Variants in GPM6A observed in about 807,000 individuals in gnomAD.
GPM6A encodes the protein glycoprotein M6A.
In GPM6A, 7 loss-of-function variants were observed where a neutral mutation model predicts 32.1. The observed-to-expected ratio is 0.22, with a 90% CI of 0.12 to 0.41. The LOEUF (loss-of-function observed/expected upper bound fraction) is 0.41. Among genes scored for constraint, GPM6A ranks in the 10% least tolerant of loss-of-function variants. The pLI is 1.00. For missense variants in GPM6A, 235 were observed against 347.2 expected, an observed-to-expected ratio of 0.68 and a Z score of 2.57; for synonymous variants, 130 against 123.4, an observed-to-expected ratio of 1.05 and a Z score of -0.35.
chr4:175,945,331 C>T (rs976675610), intron 1 of GPM6A, among the ~76,000 whole-genome samples: 16 of 152,046 alleles, frequency 1.1e-4, no homozygotes, highest in Non-Finnish European at 2.1e-4. Context: ...TTAGTACAAA[C>T]AAATATTTAA....
chr4:175,657,788 T>C (rs961896667), intron 3 of GPM6A, among the ~76,000 whole-genome samples: 1 of 152,030 alleles, frequency 6.6e-6, no homozygotes, highest in Non-Finnish European at 1.5e-5. Context: ...CAGATGTCGG[T>C]TGTGCAATCA....
At chr4:175,793,815 C>A (rs753120911) in intron 1 of GPM6A, among the ~76,000 whole-genome samples, 14 of 152,128 alleles carry the variant, frequency 9.2e-5, no homozygotes, top group Non-Finnish European at 1.5e-4. Flanking sequence ...TGGTAAGCTG[C>A]CAAAATTCTT....
At chr4:175,695,487 G>A (rs1430709920) in intron 2 of GPM6A, among the ~76,000 whole-genome samples, 9 of 152,174 alleles carry the variant, frequency 5.9e-5, no homozygotes, top group Non-Finnish European at 8.8e-5. Context: ...AAATTATTAT[G>A]GAGCTTTAAT....
intron 1 of GPM6A, among the ~76,000 whole-genome samples, chr4:175,769,784 T>C (rs1035151482): frequency 6.6e-6 from 1 of 152,216 alleles, no homozygotes; most frequent in Admixed American, 6.5e-5. Context: ...TATATATTTC[T>C]TAGCTTTTGT....
intron 1 of GPM6A, among the ~76,000 whole-genome samples, chr4:175,867,298 T>G (rs573828464): frequency 6.6e-6 from 1 of 152,312 alleles, no homozygotes; most frequent in South Asian, 2.1e-4. Context: ...AAATTGCGCC[T>G]TCAATGTTGA....
chr4:175,738,657 A>T (rs185959793), intron 1 of GPM6A, among the ~76,000 whole-genome samples: 1 of 152,292 alleles, frequency 6.6e-6, no homozygotes, highest in Non-Finnish European at 1.5e-5. Context: ...GATGAAAAAA[A>T]ATTTTTATAG....
intron 1 of GPM6A, among the ~76,000 whole-genome samples, chr4:175,702,720 T>C (rs1365900778): frequency 6.6e-6 from 1 of 152,206 alleles, no homozygotes; most frequent in Non-Finnish European, 1.5e-5. Flanking sequence ...TTTCACCATA[T>C]TGGTCAGGCT....
chr4:175,845,891 C>T (rs1736071720), intron 1 of GPM6A, among the ~76,000 whole-genome samples: 2 of 152,052 alleles, frequency 1.3e-5, no homozygotes, highest in African/African-American at 4.8e-5. Flanking sequence ...ATATATGAAT[C>T]TGCCTCCAAG....
intron 1 of GPM6A, among the ~76,000 whole-genome samples, chr4:175,984,324 G>A (rs1246473210): frequency 3.9e-5 from 6 of 151,934 alleles, no homozygotes; most frequent in East Asian, 1.9e-4. Flanking sequence ...CACCACGCCC[G>A]GCTAATTTTT....
intron 1 of GPM6A, among the ~76,000 whole-genome samples, chr4:175,832,885 A>C (rs1160967386): frequency 6.6e-6 from 1 of 152,292 alleles, no homozygotes; most frequent in African/African-American, 2.4e-5. Context: ...GGATCACAAG[A>C]ATGCCGGTTC....
At chr4:175,822,862 G>C (rs960077038) in intron 1 of GPM6A, among the ~76,000 whole-genome samples, 1 of 152,038 alleles carries the variant, frequency 6.6e-6, no homozygotes, top group African/African-American at 2.4e-5. Flanking sequence ...GGTGTGTGAT[G>C]TTCCCCTCCC....
At chr4:175,714,606 T>C (rs909447921) in intron 1 of GPM6A, among the ~76,000 whole-genome samples, 1 of 152,150 alleles carries the variant, frequency 6.6e-6, no homozygotes, top group Non-Finnish European at 1.5e-5. Context: ...ATGAAAGAGC[T>C]ATAATTATAG....
chr4:175,726,520 T>C (rs1335466231), intron 1 of GPM6A, among the ~76,000 whole-genome samples: 1 of 152,196 alleles, frequency 6.6e-6, no homozygotes, highest in Non-Finnish European at 1.5e-5. Flanking sequence ...ACATTATACA[T>C]CTAAATAGCT....
chr4:175,804,271 AT>A (rs1471059783), intron 1 of GPM6A, among the ~76,000 whole-genome samples: 1 of 152,234 alleles, frequency 6.6e-6, no homozygotes, highest in Non-Finnish European at 1.5e-5. Flanking sequence ...GGTTCCAAAA[AT>A]TTGAATTTAA....
In GPM6A at chr4:175,679,335, T is replaced by C. The variant is rs189535708; in HGVS notation, c.231-5499A>G. Among the ~76,000 whole-genome samples, 13 of 152,222 alleles carry C rather than the reference T, an allele frequency of 8.5e-5. No homozygotes were observed. The East Asian group carries it at 2.3e-3, about 27-fold the overall frequency. On this transcript the variant is annotated intron_variant, in intron 2 of 6. Coordinates refer to ENST00000393658, the MANE Select transcript of GPM6A (RefSeq NM_201591.3). ...TGGCTAGAATACTATACAAGCGATA[T>C]TGTGCTCCTGTCAGGGTATCTCCCT...
intron 1 of GPM6A, among the ~76,000 whole-genome samples, chr4:175,964,426 C>T (rs967448516): frequency 3.9e-5 from 6 of 152,100 alleles, no homozygotes; most frequent in African/African-American, 1.2e-4. Context: ...AACAAAGTAC[C>T]ACATTGACTG....
At chr4:175,711,695 T>C (rs1745554809) in intron 1 of GPM6A, among the ~76,000 whole-genome samples, 1 of 130,510 alleles carries the variant, frequency 7.7e-6, no homozygotes, top group Non-Finnish European at 1.6e-5. Context: ...GAGTTGGGCC[T>C]GGAGAAGTTC....
At chr4:175,691,204 C>CT in intron 2 of GPM6A, among the ~76,000 whole-genome samples, 1 of 152,270 alleles carries the variant, frequency 6.6e-6, no homozygotes, top group Non-Finnish European at 1.5e-5. Context: ...AAATAATCCT[C>CT]TGACGAAGAA....
At chr4:175,653,964 G>C (rs1741939575) in intron 3 of GPM6A, among the ~76,000 whole-genome samples, 2 of 152,084 alleles carry the variant, frequency 1.3e-5, no homozygotes, top group Admixed American at 1.3e-4. Context: ...GGAGGGGTCA[G>C]CTCAGAATTT....
Sources: gnomAD v4.1 joint callset for allele counts (sites outside exome capture counted in the v4.1 genomes callset) on GRCh38, gnomAD v4.1.1 for gene constraint, MANE v1.5 for transcripts, NCBI Gene and HGNC (gene_info 2026-07-23, HGNC 2026-07-21) for gene names.